Variants in TSC22D1 observed in about 807,000 individuals in gnomAD.
TSC22D1 encodes TSC22 domain family protein 1.
TSC22D1 carries 9 observed loss-of-function variants against 74.2 expected under a neutral mutation model. The observed-to-expected ratio is 0.12, with a 90% CI of 0.07 to 0.21. The LOEUF (loss-of-function observed/expected upper bound fraction) is 0.21. TSC22D1 is among the 10% of genes least tolerant of loss of function. TSC22D1 has a pLI of 1.00. For synonymous variants in TSC22D1, 586 were observed against 492.5 expected (o/e 1.19, Z -2.51); for missense variants, 1,427 against 1,304.7 (o/e 1.09, Z -1.44).
At chr13:44,548,905 TAA>T (rs1206783979) in intron 1 of TSC22D1, among the ~76,000 whole-genome samples, 7 of 152,204 alleles carry the variant, frequency 4.6e-5, no homozygotes, top group Admixed American at 2.6e-4. Flanking sequence ...CATAATTTAA[TAA>T]GTTTTATTAT....
intron 1 of TSC22D1, among the ~76,000 whole-genome samples, chr13:44,442,131 G>A (rs1413993384): frequency 6.6e-6 from 1 of 152,216 alleles, no homozygotes; most frequent in Non-Finnish European, 1.5e-5. Flanking sequence ...ACTGAAGAGT[G>A]TTTTGGTCCT....
intron 1 of TSC22D1, among the ~76,000 whole-genome samples, chr13:44,454,256 A>C (rs1876381683): frequency 6.6e-6 from 1 of 152,224 alleles, no homozygotes; most frequent in Non-Finnish European, 1.5e-5. Context: ...TTTTCTTTAA[A>C]ACCAAGTTTC....
At chr13:44,456,897 C>A (rs919597798) in intron 1 of TSC22D1, among the ~76,000 whole-genome samples, 7 of 152,178 alleles carry the variant, frequency 4.6e-5, no homozygotes, top group Non-Finnish European at 1.0e-4. Context: ...GAAGGGCTAA[C>A]ACCCTAACAA....
intron 1 of TSC22D1, among the ~76,000 whole-genome samples, chr13:44,484,999 G>A (rs920094748): frequency 2.0e-5 from 3 of 152,144 alleles, no homozygotes; most frequent in African/African-American, 7.2e-5. Context: ...TATATGTAGT[G>A]AGAACTGAAA....
chr13:44,482,698 T>G (rs1878234633), intron 1 of TSC22D1, among the ~76,000 whole-genome samples: 1 of 152,220 alleles, frequency 6.6e-6, no homozygotes, highest in Admixed American at 6.5e-5. Context: ...CAGTAAACAT[T>G]TTGAACATTT....
At chr13:44,556,502 T>C (rs1882651004) in intron 1 of TSC22D1, among the ~76,000 whole-genome samples, 1 of 149,426 alleles carries the variant, frequency 6.7e-6, no homozygotes, top group East Asian at 2.0e-4. Flanking sequence ...ACCGAGATCG[T>C]GCAAATGCAC....
chr13:44,551,389 G>GGTGGGGGTGT (rs1298469090), intron 1 of TSC22D1, among the ~76,000 whole-genome samples: 7 of 125,252 alleles, frequency 5.6e-5, no homozygotes, highest in African/African-American at 2.2e-4. Flanking sequence ...CAATCAGATG[G>GGTGGGGGTGT]GTGTGTGTGT....
chr13:44,499,819 G>A (rs1432196975), intron 1 of TSC22D1, among the ~76,000 whole-genome samples: 2 of 152,132 alleles, frequency 1.3e-5, no homozygotes, highest in Non-Finnish European at 2.9e-5. Flanking sequence ...GGGTGCAGTG[G>A]CTCACATGTG....
intron 1 of TSC22D1, among the ~76,000 whole-genome samples, chr13:44,458,763 G>A (rs893554197): frequency 6.6e-6 from 1 of 152,124 alleles, no homozygotes; most frequent in African/African-American, 2.4e-5. Flanking sequence ...GGCGCTGTCC[G>A]ACCAGGTGTG....
chr13:44,547,873 T>C (rs1881933459), intron 1 of TSC22D1, among the ~76,000 whole-genome samples: 1 of 152,162 alleles, frequency 6.6e-6, no homozygotes, highest in Non-Finnish European at 1.5e-5. Context: ...CACTACAGCC[T>C]CGAACTCCTG....
At chr13:44,511,536 CTAAT>C (rs1290934494) in intron 1 of TSC22D1, among the ~76,000 whole-genome samples, 1 of 151,862 alleles carries the variant, frequency 6.6e-6, no homozygotes, top group African/African-American at 2.4e-5. Flanking sequence ...TGGCATATAA[CTAAT>C]TGACATATAG....
rs10596156 is a variant in TSC22D1, at chr13:44,536,926, GAAAAAAAAAA to G, written c.2912+36227_2912+36236del. On this transcript the variant is annotated intron_variant, in intron 1 of 2. Coordinates refer to ENST00000458659, the MANE Select transcript of TSC22D1 (RefSeq NM_183422.4). Reference sequence around the variant, plus strand: ...TAACAGTTCAAAAAAGTATTTTTCTGAAAAAAAAAAAAAAAAAAAAAAAAAAAAAAAAACA... The same window carrying G: ...TAACAGTTCAAAAAAGTATTTTTCTGAAAAAAAAAAAAAAAAAAAAAAACA... 49 of 495,226 alleles carry G rather than the reference GAAAAAAAAAA, an allele frequency of 9.9e-5. 1 individual carries two copies. The highest frequency in any genetic ancestry group is 1.4e-4 in the African/African-American group (3 of 21,380). 30.7% of individuals were successfully genotyped at this position (495,226 alleles called of 1,614,324 possible).
Position 44,434,587 on chromosome 13 carries a change from G to C in TSC22D1, c.*39C>G, listed in dbSNP as rs748468254. On this transcript the variant is annotated 3_prime_UTR_variant, in exon 3 of 3. Transcript: ENST00000458659. ...CTAGCACATCTTCTCCGTCTGTTCA[G>C]TTCACACGCAGCAGCCAGTTCTGCG... is the stretch of plus-strand genomic sequence containing the variant. The C allele has an allele frequency of 7.9e-6, 12 of 1,511,016 alleles. No individual in the cohort carries two copies. Among genetic ancestry groups the C allele is most frequent in the Admixed American group, 2.3e-5 (1 of 43,182 alleles). The allele number at this position is 1,511,016 out of a possible 1,614,324, so 93.6% of individuals were successfully genotyped here.
chr13:44,435,918 C>T (rs1467171730), intron 2 of TSC22D1, 126 bp downstream of exon 2: 1 of 1,036,112 alleles, frequency 9.7e-7, no homozygotes, highest in Non-Finnish European at 1.5e-6. Flanking sequence ...GAGACAGCGC[C>T]GGCATTTCTA....
At chr13:44,436,764 G>A in intron 1 of TSC22D1, 1 of 1,473,212 alleles carries the variant, frequency 6.8e-7, no homozygotes, top group Non-Finnish European at 8.9e-7. Flanking sequence ...AAGAAACCCA[G>A]CTTCTAGGGC....
At chr13:44,494,051 C>A (rs1375806612) in intron 1 of TSC22D1, among the ~76,000 whole-genome samples, 3 of 151,958 alleles carry the variant, frequency 2.0e-5, no homozygotes, top group Non-Finnish European at 2.9e-5. Flanking sequence ...GGCAACACAG[C>A]ACGACATCAT....
chr13:44,446,080 G>A (rs986117389), intron 1 of TSC22D1, among the ~76,000 whole-genome samples: 3 of 152,142 alleles, frequency 2.0e-5, no homozygotes, highest in Admixed American at 6.5e-5. Context: ...GGACATGAAC[G>A]CTTAAGAGAT....
intron 1 of TSC22D1, among the ~76,000 whole-genome samples, chr13:44,509,795 C>G (rs1408696338): frequency 6.6e-6 from 1 of 151,528 alleles, no homozygotes; most frequent in South Asian, 2.1e-4. Context: ...CCTTCTAAAT[C>G]TATTAAATTG....
chr13:44,539,710 A>T, intron 1 of TSC22D1: 1 of 1,200,062 alleles, frequency 8.3e-7, no homozygotes, highest in Non-Finnish European at 1.1e-6. Context: ...TTAAATGGGC[A>T]ATGGAAGGAC....
Sources: allele counts gnomAD v4.1 joint callset (sites outside exome capture counted in the v4.1 genomes callset), GRCh38; gene constraint gnomAD v4.1.1; transcripts MANE v1.5; gene names NCBI Gene and HGNC (gene_info 2026-07-23, HGNC 2026-07-21).